The following LATS1 variants were observed in gnomAD, a reference collection of about 807,000 sequenced individuals.
LATS1 encodes large tumor suppressor kinase 1, also known as serine/threonine-protein kinase LATS1.
In LATS1, 25 loss-of-function variants were observed where a neutral mutation model predicts 106.6. That is an observed-to-expected ratio of 0.23 (90% CI 0.17 to 0.33). LATS1 has a LOEUF of 0.33. LATS1 is among the 10% of genes least tolerant of loss of function. The probability of loss-of-function intolerance (pLI) is 1.00; values close to 1 mark genes in which losing one functional copy is unlikely to be tolerated. For missense variants in LATS1, 1,040 were observed against 1,382.6 expected, an observed-to-expected ratio of 0.75 and a Z score of 3.93; for synonymous variants, 465 against 455.6, an observed-to-expected ratio of 1.02 and a Z score of -0.26.
In LATS1 at chr6:149,683,159, C is replaced by G; in HGVS notation, c.1930G>C (p.Glu644Gln). 1 of 1,613,246 alleles carries G rather than the reference C, an allele frequency of 6.2e-7. No individual in the cohort carries two copies. The highest frequency in any genetic ancestry group is 2.2e-5 in the East Asian group (1 of 44,870). Residue 644 changes from glutamate (E) to glutamine (Q), a missense_variant, in exon 4 of 8, where the codon GAG (glutamate) becomes CAG (glutamine). Physicochemically the swap from Glu to Gln is conservative, Grantham distance 29. Coordinates refer to ENST00000543571, the MANE Select transcript of LATS1 (RefSeq NM_004690.4). ...YSPQAFKFFM[E>Q]QHVENVLKSH... ...TTGAGTACATTTTCTACATGTTGCT[C>G]CATAAAGAATTTAAATGCTTGAGGA...
chr6:149,661,803 A>G lies in LATS1; in HGVS notation c.3319T>C (p.Ser1107Pro), dbSNP rs1320809558. The change falls in exon 8 of 8, where the codon TCA becomes CCA. Residue 1107 changes from serine to proline, a missense_variant. By Grantham distance (74) the Ser-to-Pro change is moderately conservative. Coordinates refer to ENST00000543571, the MANE Select transcript of LATS1 (RefSeq NM_004690.4). ...TCATCTTCATCCGACTGCTGCTCTG[A>G]GCCTTGTGAATTAATGTATTCATAT... Reference protein sequence around the residue: ...IEYEYINSQGSEQQSDEDDQN... With the variant: ...IEYEYINSQGPEQQSDEDDQN... 6.8e-6 allele frequency: 11 copies of G among 1,611,250 alleles called. No homozygotes were observed. Among genetic ancestry groups the G allele is most frequent in the Non-Finnish European group, 9.3e-6 (11 of 1,178,938 alleles).
At chr6:149,665,450 T>C (rs973299108) in intron 7 of LATS1, among the ~76,000 whole-genome samples, 1 of 152,212 alleles carries the variant, frequency 6.6e-6, no homozygotes, top group Non-Finnish European at 1.5e-5. Flanking sequence ...TTTTGCCACC[T>C]TGTCCTGGAT....
intron 3 of LATS1, among the ~76,000 whole-genome samples, chr6:149,685,414 A>G (rs6904947): frequency 6.6e-6 from 1 of 151,998 alleles, no homozygotes; most frequent in Non-Finnish European, 1.5e-5. Flanking sequence ...AAATTGAGAC[A>G]AAGTCTCACT....
chr6:149,718,056 C>G lies in LATS1; in HGVS notation c.-348G>C. On this transcript the variant is annotated 5_prime_UTR_variant, in exon 1 of 8. Transcript: ENST00000543571. ...TAACACCAGGCCACCGCCGCCGCCG[C>G]CGCCATTTTGCCTTCCACTCAGTGT... 2 of 326,858 alleles carry G rather than the reference C, an allele frequency of 6.1e-6. No individual in the cohort carries two copies. The highest frequency in any genetic ancestry group is 2.3e-5 in the African/African-American group (1 of 42,726). 20.2% of individuals were successfully genotyped at this position (326,858 alleles called of 1,614,324 possible). A position where few individuals can be genotyped will look rare whatever the true frequency, so the allele number is the denominator to read the frequency against.
At chr6:149,670,554 C>A (rs1781391279) in intron 7 of LATS1, among the ~76,000 whole-genome samples, 1 of 151,992 alleles carries the variant, frequency 6.6e-6, no homozygotes, top group Admixed American at 6.6e-5. Context: ...CCACAGCTTG[C>A]CTTCCTGGAG....
chr6:149,667,849 T>C (rs1202548376), intron 7 of LATS1, among the ~76,000 whole-genome samples: 1 of 152,224 alleles, frequency 6.6e-6, no homozygotes, highest in Non-Finnish European at 1.5e-5. Context: ...TCTCATCAAA[T>C]TATGAACGAC....
At chr6:149,682,659 C>T (rs2114810155) in intron 4 of LATS1, among the ~76,000 whole-genome samples, 1 of 152,230 alleles carries the variant, frequency 6.6e-6, no homozygotes, top group Non-Finnish European at 1.5e-5. Context: ...CATGATCTGC[C>T]TGCCTCAGCC....
chr6:149,715,237 T>A (rs947911647), intron 1 of LATS1, among the ~76,000 whole-genome samples: 4 of 151,920 alleles, frequency 2.6e-5, no homozygotes, highest in Admixed American at 6.6e-5. Context: ...CCGAGCTAAT[T>A]TTTGTATTTT....
At chr6:149,701,320 A>T (rs1385914780) in intron 2 of LATS1, among the ~76,000 whole-genome samples, 3 of 152,332 alleles carry the variant, frequency 2.0e-5, no homozygotes, top group African/African-American at 7.2e-5. Flanking sequence ...AGTTTTTGTG[A>T]ATTTAAGATT....
Position 149,684,519 on chromosome 6 carries a change from A to G in LATS1, c.570T>C (p.His190=), listed in dbSNP as rs1782251255. Residue 190 remains histidine (H), a synonymous_variant, in exon 4 of 8, where the codon CAT becomes CAC. Coordinates refer to ENST00000543571, the MANE Select transcript of LATS1 (RefSeq NM_004690.4). ...GSKESLVPQR[H]GPPLGESVAY... Reference sequence around the variant, plus strand: ...CCACACTTTCTCCTAGTGGCGGGCCATGCCTCTGAGGAACTAAGGATTCTT... The same window carrying G: ...CCACACTTTCTCCTAGTGGCGGGCCGTGCCTCTGAGGAACTAAGGATTCTT... 6.2e-7 allele frequency: 1 copy of G among 1,613,972 alleles called. No homozygotes were observed. Among genetic ancestry groups the G allele is most frequent in the Admixed American group, 1.7e-5 (1 of 59,994 alleles).
chr6:149,684,149 T>C lies in LATS1; in HGVS notation c.940A>G (p.Asn314Asp), dbSNP rs376577094. 6.2e-7 allele frequency: 1 copy of C among 1,614,124 alleles called. No individual in the cohort carries two copies. The highest frequency in any genetic ancestry group is 1.3e-5 in the African/African-American group (1 of 75,010). The change falls in exon 4 of 8, where the codon AAT (asparagine) becomes GAT (aspartate). Residue 314 changes from asparagine to aspartate, a missense_variant. By Grantham distance (23) the Asn-to-Asp change is conservative. This residue lies in a region of LATS1 where 624 missense variants were observed against 714.8 expected (regional missense o/e 0.87). Transcript: ENST00000543571. ...PLNTSPMNPP[N>D]QGQRGISSVP... The stretch of plus-strand genomic sequence containing the variant: ...GAACTAATGCCTCTCTGTCCTTGAT[T>C]AGGAGGATTCATGGGGGAAGTGTTG...
rs1780812514 is a variant in LATS1, at chr6:149,659,453, T to C, written c.*2276A>G. The C allele has an allele frequency of 4.5e-6, 1 of 220,318 alleles. No homozygotes were observed. Among genetic ancestry groups the C allele is most frequent in the Non-Finnish European group, 9.1e-6 (1 of 110,032 alleles). The allele number at this position is 220,318 out of a possible 1,614,324, so 13.6% of individuals were successfully genotyped here. ...CAGCCTGGGTGACAGAGTGAGACCC[T>C]GTCTCAAAACAAAAAACAAAAAAAG... On this transcript the variant is annotated 3_prime_UTR_variant, in exon 8 of 8. Coordinates refer to ENST00000543571, the MANE Select transcript of LATS1 (RefSeq NM_004690.4).
Position 149,683,988 on chromosome 6 carries a change from A to T in LATS1, c.1101T>A (p.Thr367=). 6.2e-7 allele frequency: 1 copy of T among 1,614,054 alleles called. No individual in the cohort carries two copies. Among genetic ancestry groups the T allele is most frequent in the Non-Finnish European group, 8.5e-7 (1 of 1,180,010 alleles). The change falls in exon 4 of 8, where the codon ACT becomes ACA. Residue 367 remains threonine (T), a synonymous_variant. Transcript: ENST00000543571. ...ATGGAGGTGGTGGCTGCCGATTCACAGTGCCAGCAGGGACAACATTTTGGT... is the reference window on the plus strand; with the variant it reads ...ATGGAGGTGGTGGCTGCCGATTCACTGTGCCAGCAGGGACAACATTTTGGT... The part of the protein sequence containing the change: ...MIHQNVVPAG[T]VNRQPPPPYP...
chr6:149,692,702 T>C (rs1332482236), intron 3 of LATS1, among the ~76,000 whole-genome samples: 1 of 151,208 alleles, frequency 6.6e-6, no homozygotes, highest in African/African-American at 2.4e-5. Context: ...GAGAGGGAGT[T>C]TCGATCTTGT....
At chr6:149,698,521 C>T (rs1350591249) in intron 2 of LATS1, among the ~76,000 whole-genome samples, 1 of 150,472 alleles carries the variant, frequency 6.6e-6, no homozygotes. Context: ...ACTGGAATTA[C>T]AAGAGTGAAC....
At chr6:149,678,222 T>TA (rs1781839610) in intron 5 of LATS1, among the ~76,000 whole-genome samples, 1 of 144,056 alleles carries the variant, frequency 6.9e-6, no homozygotes, top group African/African-American at 2.6e-5. Flanking sequence ...CCGGCGGCTG[T>TA]AGTCCCAACT....
At chr6:149,666,071 G>A (rs1230653790) in intron 7 of LATS1, among the ~76,000 whole-genome samples, 1 of 145,916 alleles carries the variant, frequency 6.9e-6, no homozygotes, top group Admixed American at 7.2e-5. Flanking sequence ...GAACCTGGGT[G>A]GTGTAGTGAG....
intron 1 of LATS1, among the ~76,000 whole-genome samples, chr6:149,711,893 C>T (rs1784122877): frequency 6.6e-6 from 1 of 152,080 alleles, no homozygotes; most frequent in Non-Finnish European, 1.5e-5. Context: ...AGAGCGCTTA[C>T]TGTGGCCCTT....
chr6:149,668,925 G>A (rs1781303463), intron 7 of LATS1, among the ~76,000 whole-genome samples: 2 of 151,430 alleles, frequency 1.3e-5, no homozygotes, highest in Non-Finnish European at 2.9e-5. Context: ...ACTTACTGGT[G>A]CCCCCGCCCC....
Sources: allele counts gnomAD v4.1 joint callset (sites outside exome capture counted in the v4.1 genomes callset), GRCh38; gene constraint gnomAD v4.1.1; regional missense constraint gnomAD v4.1.1; transcripts MANE v1.5; gene names NCBI Gene and HGNC (gene_info 2026-07-23, HGNC 2026-07-21).